The following ZNF804A variants were observed in gnomAD, a reference collection of about 807,000 sequenced individuals.
ZNF804A encodes the protein zinc finger protein 804A.
ZNF804A carries 2 observed loss-of-function variants against 16.5 expected under a neutral mutation model. That is an observed-to-expected ratio of 0.12 (90% CI 0.05 to 0.38). ZNF804A has a LOEUF of 0.38. ZNF804A is among the 10% of genes least tolerant of loss of function. ZNF804A has a pLI of 0.99. For missense variants in ZNF804A, 1,473 were observed against 1,390.7 expected (o/e 1.06, Z -0.94); for synonymous variants, 534 against 489.6 (o/e 1.09, Z -1.20).
chr2:184,793,053 T>C lies in ZNF804A; in HGVS notation c.112-73316T>C, dbSNP rs1694574239. ...GGTTTTCTGTTTCTGCATTAATTTC[T>C]TAGGATTGTGGCTTCCAGCTCCATC... On this transcript the variant is annotated intron_variant, in intron 1 of 3. Coordinates refer to ENST00000302277, the MANE Select transcript of ZNF804A (RefSeq NM_194250.2). Among the ~76,000 whole-genome samples, 4 of 152,168 alleles carry C rather than the reference T, an allele frequency of 2.6e-5. No individual in the cohort carries two copies. The South Asian group carries it at 8.3e-4, about 31-fold the overall frequency.
chr2:184,866,312 AC>A lies in ZNF804A; in HGVS notation c.112-56del, dbSNP rs1276826253. 95 of 1,571,690 alleles carry A rather than the reference AC, an allele frequency of 6.0e-5. 1 individual carries two copies. In the African/African-American group the frequency reaches 1.2e-3, roughly 20 times the overall value. On this transcript the variant is annotated intron_variant, in intron 1 of 3. Coordinates refer to ENST00000302277, the MANE Select transcript of ZNF804A (RefSeq NM_194250.2). ...TGTACTATAGTTGACAACTGCTAAAACAAAGTAAACACAGGGGAGAGCTAAT... is the reference window on the plus strand; with the variant it reads ...TGTACTATAGTTGACAACTGCTAAAAAAAGTAAACACAGGGGAGAGCTAAT...
intron 1 of ZNF804A, among the ~76,000 whole-genome samples, chr2:184,758,057 A>G (rs1235079192): frequency 6.6e-6 from 1 of 151,976 alleles, no homozygotes; most frequent in Non-Finnish European, 1.5e-5. Flanking sequence ...GTGCAGGAAA[A>G]GCTATCATAA....
At chr2:184,784,815 A>G (rs1034160982) in intron 1 of ZNF804A, among the ~76,000 whole-genome samples, 10 of 151,984 alleles carry the variant, frequency 6.6e-5, no homozygotes, top group Admixed American at 3.3e-4. Flanking sequence ...TCATCCGAGG[A>G]ATATAAGCAT....
chr2:184,655,559 CT>C (rs1692062384), intron 1 of ZNF804A, among the ~76,000 whole-genome samples: 3 of 151,938 alleles, frequency 2.0e-5, no homozygotes, highest in African/African-American at 7.3e-5. Context: ...AAAATTGGTC[CT>C]TTTTGGATGA....
At chr2:184,768,046 C>T (rs1025221068) in intron 1 of ZNF804A, among the ~76,000 whole-genome samples, 1 of 151,952 alleles carries the variant, frequency 6.6e-6, no homozygotes, top group Non-Finnish European at 1.5e-5. Context: ...GTTGGTGCTC[C>T]GTATCTACAG....
intron 2 of ZNF804A, among the ~76,000 whole-genome samples, chr2:184,928,454 C>T (rs1452064537): frequency 6.6e-6 from 1 of 152,056 alleles, no homozygotes; most frequent in Non-Finnish European, 1.5e-5. Context: ...GAGCCATGAG[C>T]TCTGCAGCCT....
chr2:184,826,326 T>C (rs1695168700), intron 1 of ZNF804A, among the ~76,000 whole-genome samples: 1 of 152,176 alleles, frequency 6.6e-6, no homozygotes, highest in African/African-American at 2.4e-5. Flanking sequence ...AATACGTATA[T>C]TTAATGTGTC....
chr2:184,634,461 A>T (rs531736509), intron 1 of ZNF804A, among the ~76,000 whole-genome samples: 37 of 152,212 alleles, frequency 2.4e-4, no homozygotes, highest in African/African-American at 8.9e-4. Flanking sequence ...AGTGGGCCCA[A>T]TGTAATCACA....
intron 2 of ZNF804A, among the ~76,000 whole-genome samples, chr2:184,909,750 AG>A (rs201234854): frequency 0.023 from 3,534 of 151,984 alleles, 47 homozygotes; most frequent in Middle Eastern, 0.044. Flanking sequence ...GGTCTGAATA[AG>A]GAAAAAAAAA....
intron 1 of ZNF804A, among the ~76,000 whole-genome samples, chr2:184,839,573 CA>C (rs200348553): frequency 0.039 from 5,956 of 151,922 alleles, 366 homozygotes; most frequent in African/African-American, 0.13. Context: ...CCCTCTCTTT[CA>C]AGAAAGGCCA....
intron 2 of ZNF804A, among the ~76,000 whole-genome samples, chr2:184,880,577 T>G (rs1430105157): frequency 1.3e-5 from 2 of 152,134 alleles, no homozygotes; most frequent in African/African-American, 4.8e-5. Flanking sequence ...GTCTTAGTAA[T>G]CAATTATTCT....
intron 1 of ZNF804A, among the ~76,000 whole-genome samples, chr2:184,717,309 G>T (rs893536147): frequency 6.6e-6 from 1 of 151,876 alleles, no homozygotes; most frequent in Non-Finnish European, 1.5e-5. Flanking sequence ...TTTCAATTAT[G>T]TACTCTTACC....
chr2:184,863,198 T>C (rs1405831826), intron 1 of ZNF804A, among the ~76,000 whole-genome samples: 1 of 152,104 alleles, frequency 6.6e-6, no homozygotes, highest in South Asian at 2.1e-4. Flanking sequence ...TTAAATGCTA[T>C]GGACAAGAAT....
At chr2:184,685,473 G>T (rs1263868288) in intron 1 of ZNF804A, among the ~76,000 whole-genome samples, 3 of 152,060 alleles carry the variant, frequency 2.0e-5, no homozygotes, top group Admixed American at 2.0e-4. Flanking sequence ...CCTTTTGTAG[G>T]GTCCTGAGTT....
chr2:184,674,500 A>G (rs764304339), intron 1 of ZNF804A, among the ~76,000 whole-genome samples: 26 of 151,938 alleles, frequency 1.7e-4, no homozygotes, highest in Admixed American at 3.3e-4. Context: ...ACAAAATTTG[A>G]AAGAAAATTA....
intron 1 of ZNF804A, among the ~76,000 whole-genome samples, chr2:184,622,536 C>A (rs1691435718): frequency 6.6e-6 from 1 of 151,754 alleles, no homozygotes; most frequent in East Asian, 1.9e-4. Context: ...TTGCCTACCA[C>A]CTTCAATAGA....
At chr2:184,600,582 T>C (rs1559104454) in intron 1 of ZNF804A, among the ~76,000 whole-genome samples, 1 of 152,186 alleles carries the variant, frequency 6.6e-6, no homozygotes, top group Admixed American at 6.5e-5. Context: ...CTGAAGAAAG[T>C]ACACACTGTT....
intron 1 of ZNF804A, among the ~76,000 whole-genome samples, chr2:184,680,521 C>G (rs1692522203): frequency 6.6e-6 from 1 of 152,226 alleles, no homozygotes. Context: ...AAAAGAGCCA[C>G]CTGCCTGCAG....
At chr2:184,748,786 T>C (rs551348258) in intron 1 of ZNF804A, among the ~76,000 whole-genome samples, 4 of 151,756 alleles carry the variant, frequency 2.6e-5, no homozygotes, top group African/African-American at 9.6e-5. Context: ...AAGTGTCTAG[T>C]TTCGTTCTTC....
Sources: gnomAD v4.1 joint callset for allele counts (sites outside exome capture counted in the v4.1 genomes callset) on GRCh38, gnomAD v4.1.1 for gene constraint, MANE v1.5 for transcripts, NCBI Gene and HGNC (gene_info 2026-07-23, HGNC 2026-07-21) for gene names.